The following STIL variants were observed in gnomAD, a reference collection of about 807,000 sequenced individuals.
STIL encodes the protein STIL centriolar assembly protein, also known as SCL-interrupting locus protein.
Under a neutral mutation model 110.1 loss-of-function variants are expected in STIL, and 55 were observed. That is an observed-to-expected ratio of 0.50 (90% CI 0.40 to 0.63). The LOEUF (loss-of-function observed/expected upper bound fraction) is 0.63, where lower values mean the gene tolerates loss of function less well. Among genes scored for constraint, STIL ranks in the 20% least tolerant of loss-of-function variants. The pLI, the probability that STIL is intolerant of heterozygous loss-of-function variation, is 0.00. For synonymous variants in STIL, 481 were observed against 530.0 expected (o/e 0.91, Z 1.27); for missense variants, 1,358 against 1,530.0 (o/e 0.89, Z 1.87).
intron 12 of STIL, among the ~76,000 whole-genome samples, chr1:47,277,146 T>A (rs1033729261): frequency 1.3e-5 from 2 of 152,094 alleles, no homozygotes; most frequent in Non-Finnish European, 2.9e-5. Flanking sequence ...AGGGCCTGAA[T>A]GATGAGAAGG....
At chr1:47,282,747 C>T (rs866032288) in intron 10 of STIL, 6 of 324,836 alleles carry the variant, frequency 1.8e-5, no homozygotes, top group East Asian at 6.8e-5. Flanking sequence ...TTGATCACTT[C>T]GATAAATATA....
intron 14 of STIL, among the ~76,000 whole-genome samples, chr1:47,264,033 G>A (rs1268155708): frequency 1.3e-5 from 2 of 152,148 alleles, no homozygotes; most frequent in African/African-American, 2.4e-5. Context: ...GATTACAGGC[G>A]TGAGCCACTG....
intron 12 of STIL, 24 bp downstream of exon 12, chr1:47,280,217 G>A (rs552403700): frequency 6.2e-7 from 1 of 1,613,848 alleles, no homozygotes; most frequent in South Asian, 1.1e-5. Flanking sequence ...GAAATTAATA[G>A]AACTAGGAAA....
In STIL at chr1:47,270,251, TATATACAC is replaced by T. The variant is rs1557722606; in HGVS notation, c.2384-393_2384-386del. 1.1e-4 allele frequency among the ~76,000 whole-genome samples: 13 copies of T among 119,216 alleles called. 1 individual carries two copies. In the South Asian group the frequency reaches 1.1e-3, roughly 10 times the overall value. The allele number at this position is 119,216 out of a possible 152,430, so 78.2% of individuals were successfully genotyped here. ...TCAAAAAAAAAAAAAAATATATATA[TATATACAC>T]ACACACACACACACACACACACACA... On this transcript the variant is annotated intron_variant, in intron 13 of 16. Coordinates refer to ENST00000371877, the MANE Select transcript of STIL (RefSeq NM_001048166.1).
intron 1 of STIL, among the ~76,000 whole-genome samples, chr1:47,313,436 C>T (rs528871795): frequency 2.0e-5 from 3 of 152,208 alleles, no homozygotes; most frequent in African/African-American, 7.2e-5. Context: ...CTTAACCCCC[C>T]CATCCACTCA....
At chr1:47,301,042 A>G (rs1323893357) in intron 5 of STIL, among the ~76,000 whole-genome samples, 1 of 152,138 alleles carries the variant, frequency 6.6e-6, no homozygotes. Flanking sequence ...AAGAACCTTC[A>G]ATTTCTACAT....
At chr1:47,310,698 C>A (rs1445298162) in intron 1 of STIL, among the ~76,000 whole-genome samples, 1 of 152,092 alleles carries the variant, frequency 6.6e-6, no homozygotes, top group African/African-American at 2.4e-5. Flanking sequence ...GACCAAAAAC[C>A]TTACAACCCT....
At chr1:47,308,272 C>G (rs1646022903) in intron 2 of STIL, among the ~76,000 whole-genome samples, 1 of 152,102 alleles carries the variant, frequency 6.6e-6, no homozygotes, top group South Asian at 2.1e-4. Context: ...CCCCCGGAAG[C>G]CCAGCTTTAA....
chr1:47,276,889 T>C (rs184619268), intron 12 of STIL, among the ~76,000 whole-genome samples: 29 of 150,442 alleles, frequency 1.9e-4, no homozygotes, highest in African/African-American at 7.1e-4. Context: ...GTTGGACATG[T>C]AGATGTGGAA....
At chr1:47,282,758 GA>G (rs554260453) in intron 10 of STIL, 158 of 324,566 alleles carry the variant, frequency 4.9e-4, no homozygotes, top group African/African-American at 3.1e-3. Context: ...GATAAATATA[GA>G]AACAAGTAAG....
intron 9 of STIL, among the ~76,000 whole-genome samples, chr1:47,288,279 C>A (rs961059683): frequency 6.6e-6 from 1 of 151,416 alleles, no homozygotes; most frequent in Non-Finnish European, 1.5e-5. Context: ...ATAATGACAC[C>A]TAGTTTCAAA....
At chr1:47,297,970 C>A (rs947697364) in intron 6 of STIL, among the ~76,000 whole-genome samples, 3 of 151,900 alleles carry the variant, frequency 2.0e-5, no homozygotes, top group African/African-American at 7.3e-5. Flanking sequence ...ACAAAAAATC[C>A]CATGCTCCAC....
intron 3 of STIL, among the ~76,000 whole-genome samples, chr1:47,303,521 C>T (rs779928262): frequency 1.6e-4 from 25 of 152,186 alleles, no homozygotes; most frequent in South Asian, 4.2e-4. Flanking sequence ...GCCAACATCA[C>T]GCCACTGCAC....
At chr1:47,272,004 T>C (rs769661314) in intron 13 of STIL, 72 bp downstream of exon 13, 8 of 1,541,440 alleles carry the variant, frequency 5.2e-6, no homozygotes, top group Non-Finnish European at 7.1e-6. Flanking sequence ...AATTTGAACA[T>C]AAAATTCAAA....
At chr1:47,313,527 GC>G (rs1646200228) in intron 1 of STIL, among the ~76,000 whole-genome samples, 1 of 151,958 alleles carries the variant, frequency 6.6e-6, no homozygotes, top group Admixed American at 6.6e-5. Flanking sequence ...AACTTGGAAT[GC>G]CCTAGTAAAC....
intron 12 of STIL, 41 bp downstream of exon 12, chr1:47,280,200 A>C: frequency 6.2e-7 from 1 of 1,613,538 alleles, no homozygotes. Context: ...AGAAATCTTA[A>C]TACCAAGAAA....
At chr1:47,271,966 T>C in intron 13 of STIL, 110 bp downstream of exon 13, 1 of 1,152,118 alleles carries the variant, frequency 8.7e-7, no homozygotes, top group Non-Finnish European at 1.3e-6. Context: ...CTCATCACCT[T>C]GGTTTTGGTC....
rs769369694 is a variant in STIL, at chr1:47,295,734, A to C, written c.785+31T>G. 18 of 1,452,590 alleles carry C rather than the reference A, an allele frequency of 1.2e-5. No individual in the cohort carries two copies. In the South Asian group the frequency reaches 2.1e-4, roughly 17 times the overall value. 90.0% of individuals were successfully genotyped at this position (1,452,590 alleles called of 1,614,324 possible). ...TCATATACATTTGAACATTTGGCTG[A>C]TAAGGTTTTCATAAATAATGTAATA... is the stretch of plus-strand genomic sequence containing the variant. On this transcript the variant is annotated intron_variant, in intron 7 of 16. Coordinates refer to ENST00000371877, the MANE Select transcript of STIL (RefSeq NM_001048166.1).
rs146093916 is a variant in STIL, at chr1:47,267,565, T to A, written c.2615+2070A>T. ...ACTAAAAACACAAAAATTAGCCAGG[T>A]GTGGTGGCCCGTGCCTGTAGTCCCA... On this transcript the variant is annotated intron_variant, in intron 14 of 16. Transcript: ENST00000371877. 1.7e-4 allele frequency among the ~76,000 whole-genome samples: 25 copies of A among 149,686 alleles called. No individual in the cohort carries two copies. The East Asian group carries it at 5.0e-3, about 30-fold the overall frequency.
Sources: allele counts gnomAD v4.1 joint callset (sites outside exome capture counted in the v4.1 genomes callset), GRCh38; gene constraint gnomAD v4.1.1; transcripts MANE v1.5; gene names NCBI Gene and HGNC (gene_info 2026-07-23, HGNC 2026-07-21).